GLIS3: variants seen among roughly 807,000 people sequenced by gnomAD.
GLIS3 encodes zinc finger protein GLIS3.
Under a neutral mutation model 78.6 loss-of-function variants are expected in GLIS3, and 53 were observed. That is an observed-to-expected ratio of 0.67 (90% CI 0.54 to 0.85). GLIS3 has a LOEUF of 0.85. Among genes scored for constraint, GLIS3 ranks in the 40% least tolerant of loss-of-function variants. GLIS3 has a pLI of 0.00. For synonymous variants in GLIS3, 684 were observed against 509.9 expected (o/e 1.34, Z -4.60); for missense variants, 1,703 against 1,231.1 (o/e 1.38, Z -5.74).
At chr9:4,136,305 T>C (rs771386585) in intron 2 of GLIS3, among the ~76,000 whole-genome samples, 9 of 152,182 alleles carry the variant, frequency 5.9e-5, no homozygotes, top group Admixed American at 2.6e-4. Context: ...GCAATCCCTT[T>C]GTACTAGGTA....
At chr9:4,023,589 A>G (rs1251315393) in intron 4 of GLIS3, among the ~76,000 whole-genome samples, 2 of 152,046 alleles carry the variant, frequency 1.3e-5, no homozygotes, top group Admixed American at 1.3e-4. Flanking sequence ...TGTGGCCCAC[A>G]GAGCGAGCAT....
chr9:4,157,564 T>C (rs1012664131), intron 2 of GLIS3, among the ~76,000 whole-genome samples: 1 of 152,184 alleles, frequency 6.6e-6, no homozygotes. Flanking sequence ...GAGGCTTAAA[T>C]CAAGTATGTG....
intron 3 of GLIS3, chr9:4,310,303 A>T (rs1817328961): frequency 6.6e-6 from 1 of 152,204 alleles, no homozygotes; most frequent in Non-Finnish European, 1.5e-5. Context: ...TGAAATTATT[A>T]GGTATAATCC....
At chr9:4,434,208 T>C in the GLIS3 span, among the ~76,000 whole-genome samples, 1 of 152,188 alleles carries the variant, frequency 6.6e-6, no homozygotes, top group African/African-American at 2.4e-5. Context: ...TAGTTATTTA[T>C]CCATGTATTT....
upstream of GLIS3, among the ~76,000 whole-genome samples, chr9:4,300,804 G>A (rs1817037112): frequency 1.3e-5 from 2 of 151,894 alleles, no homozygotes; most frequent in South Asian, 4.2e-4. Context: ...TTCATCACAT[G>A]TATTGCCACA....
At chr9:3,981,466 G>C (rs1819278521) in intron 4 of GLIS3, among the ~76,000 whole-genome samples, 1 of 152,144 alleles carries the variant, frequency 6.6e-6, no homozygotes, top group East Asian at 1.9e-4. Flanking sequence ...TCAGGCGGCA[G>C]CTCAGCCATC....
chr9:4,393,905 A>T, the GLIS3 span, among the ~76,000 whole-genome samples: 1 of 152,140 alleles, frequency 6.6e-6, no homozygotes, highest in African/African-American at 2.4e-5. Flanking sequence ...TAATATAATG[A>T]TCCTTTCTAT....
chr9:4,407,174 C>A, the GLIS3 span, among the ~76,000 whole-genome samples: 1 of 152,086 alleles, frequency 6.6e-6, no homozygotes, highest in Non-Finnish European at 1.5e-5. Context: ...AACAAAGGTA[C>A]CAAGAACATA....
intron 7 of GLIS3, among the ~76,000 whole-genome samples, chr9:3,891,233 C>T (rs189794593): frequency 3.2e-4 from 48 of 152,244 alleles, no homozygotes; most frequent in Admixed American, 6.5e-4. Context: ...AGGTGCTGAA[C>T]ACTTACTATG....
chr9:3,929,372 T>C (rs1432179334), intron 6 of GLIS3, among the ~76,000 whole-genome samples: 1 of 152,176 alleles, frequency 6.6e-6, no homozygotes, highest in Non-Finnish European at 1.5e-5. Context: ...TTTTCACAGC[T>C]TGAATAATGT....
At chr9:4,266,263 G>A (rs1825998414) in intron 2 of GLIS3, among the ~76,000 whole-genome samples, 1 of 151,814 alleles carries the variant, frequency 6.6e-6, no homozygotes. Flanking sequence ...AGGAAAATGA[G>A]CCACCTGGCT....
At chr9:4,417,864 A>G in the GLIS3 span, among the ~76,000 whole-genome samples, 1 of 152,162 alleles carries the variant, frequency 6.6e-6, no homozygotes, top group African/African-American at 2.4e-5. Context: ...CCTTTTCTCC[A>G]AATCAAGTTT....
intron 4 of GLIS3, among the ~76,000 whole-genome samples, chr9:3,982,716 A>T (rs980090320): frequency 6.6e-6 from 1 of 152,216 alleles, no homozygotes; most frequent in African/African-American, 2.4e-5. Flanking sequence ...TTTAGCCAAC[A>T]GATAGTTTCA....
At chr9:4,151,023 T>G (rs139817103) in intron 2 of GLIS3, 1 of 152,062 alleles carries the variant, frequency 6.6e-6, no homozygotes, top group South Asian at 2.1e-4. Context: ...GAGCATTGGG[T>G]TGGGGACAGG....
At chr9:4,132,158 G>A (rs903729544) in intron 2 of GLIS3, among the ~76,000 whole-genome samples, 1 of 151,648 alleles carries the variant, frequency 6.6e-6, no homozygotes, top group African/African-American at 2.4e-5. Flanking sequence ...CTTGTGCACT[G>A]GTTTTCATTT....
At chr9:4,333,795 C>T (rs547225014) in intron 2 of GLIS3, among the ~76,000 whole-genome samples, 1 of 142,726 alleles carries the variant, frequency 7.0e-6, no homozygotes, top group Non-Finnish European at 1.5e-5. Flanking sequence ...AGCTGTTACA[C>T]CTGATTGGAA....
chr9:3,825,418 T>C lies in GLIS3; in HGVS notation c.*2854A>G, dbSNP rs937202378. 1 of 151,336 alleles carries C rather than the reference T, an allele frequency of 6.6e-6. No homozygotes were observed. The highest frequency in any genetic ancestry group is 1.5e-5 in the Non-Finnish European group (1 of 67,686). The allele number at this position is 151,336 out of a possible 1,614,324, so 9.4% of individuals were successfully genotyped here. A position where few individuals can be genotyped will look rare whatever the true frequency, so the allele number is the denominator to read the frequency against. ...AAGACAATGCAGCCAATGAAATGTC[T>C]CTAGGCAGACTGATTTTTTTTTTAA... On this transcript the variant is annotated 3_prime_UTR_variant, in exon 11 of 11. Transcript: ENST00000381971.
chr9:4,312,877 G>GA, intron 2 of GLIS3, among the ~76,000 whole-genome samples: 1 of 152,190 alleles, frequency 6.6e-6, no homozygotes, highest in East Asian at 1.9e-4. Flanking sequence ...GGCCAGGCAT[G>GA]TTACATATAT....
intron 2 of GLIS3, among the ~76,000 whole-genome samples, chr9:4,340,978 C>T (rs1292140838): frequency 6.6e-6 from 1 of 152,184 alleles, no homozygotes; most frequent in Non-Finnish European, 1.5e-5. Flanking sequence ...TGCCTGGCCT[C>T]ACCTGATATT....
Sources: gnomAD v4.1 joint callset for allele counts (sites outside exome capture counted in the v4.1 genomes callset) on GRCh38, gnomAD v4.1.1 for gene constraint, MANE v1.5 for transcripts, NCBI Gene and HGNC (gene_info 2026-07-23, HGNC 2026-07-21) for gene names.